Variants in RRBP1 observed in about 807,000 individuals in gnomAD.
RRBP1 encodes ribosome binding protein 1, also known as ribosome-binding protein 1.
RRBP1 carries 94 observed loss-of-function variants against 165.2 expected under a neutral mutation model. The observed-to-expected ratio is 0.57, with a 90% CI of 0.48 to 0.68. The LOEUF (loss-of-function observed/expected upper bound fraction) is 0.68, where lower values mean the gene tolerates loss of function less well. Ranked by LOEUF, RRBP1 falls within the 30% of genes least tolerant of loss-of-function variation. RRBP1 has a pLI of 0.00. For synonymous variants in RRBP1, 680 were observed against 714.5 expected (o/e 0.95, Z 0.77); for missense variants, 1,676 against 1,763.0 (o/e 0.95, Z 0.88).
At chr20:17,631,780 A>T (rs112458363) in intron 8 of RRBP1, among the ~76,000 whole-genome samples, 2,643 of 152,378 alleles carry the variant, frequency 0.017, 83 homozygotes, top group African/African-American at 0.058. Context: ...AGGTCAGCAC[A>T]GGCCACCCCC....
chr20:17,621,541 C>G lies in RRBP1; in HGVS notation c.3331G>C (p.Ala1111Pro). 1 of 1,612,298 alleles carries G rather than the reference C, an allele frequency of 6.2e-7. No homozygotes were observed. The highest frequency in any genetic ancestry group is 1.1e-5 in the South Asian group (1 of 90,982). The change falls in exon 16 of 25, where the codon GCC becomes CCC. Residue 1111 changes from alanine to proline, a missense_variant. Physicochemically the swap from Ala to Pro is conservative, Grantham distance 27. This residue lies in a region of RRBP1 where 1,184 missense variants were observed against 1,167.1 expected (regional missense o/e 1.01). Coordinates refer to ENST00000377813, the MANE Select transcript of RRBP1 (RefSeq NM_001365613.2). The part of the protein sequence containing the change: ...PAPAEPSSDL[A>P]SKLREAEETQ... ...TCCTCGGCCTCCCTCAACTTGGAGG[C>G]CAGGTCCTGAGAGAGGGAAGAACAG... is the stretch of plus-strand genomic sequence containing the variant.
intron 2 of RRBP1, among the ~76,000 whole-genome samples, 196 bp from the exon 3 acceptor site, chr20:17,660,724 C>T (rs981912077): frequency 3.3e-5 from 5 of 152,164 alleles, no homozygotes; most frequent in Non-Finnish European, 7.4e-5. Context: ...GATTCGTACC[C>T]AAGGCATGAG....
chr20:17,639,500 G>A lies in RRBP1; in HGVS notation c.2184+2297C>T, dbSNP rs112373721. On this transcript the variant is annotated intron_variant, in intron 5 of 24. Coordinates refer to ENST00000377813, the MANE Select transcript of RRBP1 (RefSeq NM_001365613.2). ...GGTTCCATCCATCTCCCCAGCTCCCGAGGGGGATTAAGGTAAGAGGAACTG... is the reference window on the plus strand; with the variant it reads ...GGTTCCATCCATCTCCCCAGCTCCCAAGGGGGATTAAGGTAAGAGGAACTG... 5.9e-4 allele frequency among the ~76,000 whole-genome samples: 90 copies of A among 152,346 alleles called. 1 individual carries two copies. Among genetic ancestry groups the A allele is most frequent in the Middle Eastern group, 6.8e-3 (2 of 294 alleles).
intron 2 of RRBP1, among the ~76,000 whole-genome samples, chr20:17,675,947 C>T (rs2037073436): frequency 6.6e-6 from 1 of 152,206 alleles, no homozygotes; most frequent in South Asian, 2.1e-4. Flanking sequence ...CTGGCTCACG[C>T]CTACAATCCT....
At chr20:17,614,570 A>T (rs1306426451) in intron 24 of RRBP1, among the ~76,000 whole-genome samples, 167 bp downstream of exon 24, 2 of 152,136 alleles carry the variant, frequency 1.3e-5, no homozygotes, top group Non-Finnish European at 2.9e-5. Flanking sequence ...CTCGTTAGGA[A>T]GTCTCTGTCC....
chr20:17,654,586 T>C (rs2036615023), intron 3 of RRBP1, among the ~76,000 whole-genome samples: 1 of 152,238 alleles, frequency 6.6e-6, no homozygotes, highest in African/African-American at 2.4e-5. Context: ...TCCTTTCATC[T>C]GTCCTGAGCT....
intron 3 of RRBP1, among the ~76,000 whole-genome samples, chr20:17,646,865 G>A (rs531085851): frequency 7.9e-5 from 12 of 152,278 alleles, no homozygotes; most frequent in African/African-American, 2.9e-4. Flanking sequence ...AGGCATAGAA[G>A]GAGGATCTCA....
intron 6 of RRBP1, among the ~76,000 whole-genome samples, chr20:17,635,956 T>G (rs1568766062): frequency 3.3e-5 from 5 of 152,194 alleles, no homozygotes; most frequent in Non-Finnish European, 7.3e-5. Context: ...CATGAACATC[T>G]GCCTCCAAGG....
At chr20:17,678,297 C>T (rs947972494) in intron 2 of RRBP1, among the ~76,000 whole-genome samples, 24 of 152,358 alleles carry the variant, frequency 1.6e-4, no homozygotes, top group Middle Eastern at 3.4e-3. Flanking sequence ...CCATCACTTT[C>T]TACCTAATAT....
At position 17,616,726 on chromosome 20, in the gene RRBP1, C is replaced by T; in HGVS notation, c.3867+6G>A. 1 of 1,600,860 alleles carries T rather than the reference C, an allele frequency of 6.2e-7. No individual in the cohort carries two copies. Among genetic ancestry groups the T allele is most frequent in the Non-Finnish European group, 8.5e-7 (1 of 1,171,540 alleles). On this transcript the variant is annotated splice_donor_region_variant and intron_variant, in intron 21 of 24. Transcript: ENST00000377813. ...ATGTGTCTGGGGACCAGCTCACCGC[C>T]CTAACCTGAACGGGGTCCTGCTCGG...
At chr20:17,642,199 G>A (rs11698829) in intron 4 of RRBP1, among the ~76,000 whole-genome samples, 7,534 of 152,326 alleles carry the variant, frequency 0.049, 252 homozygotes, top group Middle Eastern at 0.095. Context: ...GCTCCTCTGA[G>A]GGGCAGCTGG....
At chr20:17,645,293 G>C (rs1452380303) in intron 3 of RRBP1, among the ~76,000 whole-genome samples, 4 of 152,364 alleles carry the variant, frequency 2.6e-5, no homozygotes, top group Middle Eastern at 3.4e-3. Flanking sequence ...GCTCCCGAGA[G>C]TGTTCTCGGA....
chr20:17,638,657 C>T (rs745306762), intron 5 of RRBP1, among the ~76,000 whole-genome samples: 1 of 152,084 alleles, frequency 6.6e-6, no homozygotes, highest in Non-Finnish European at 1.5e-5. Context: ...TTCTGCTTGT[C>T]AAATTCTTAA....
At chr20:17,636,100 G>A (rs1360380869) in intron 6 of RRBP1, among the ~76,000 whole-genome samples, 1 of 152,270 alleles carries the variant, frequency 6.6e-6, no homozygotes, top group Non-Finnish European at 1.5e-5. Context: ...CCCACTATGA[G>A]CAGGGTGCAG....
chr20:17,636,745 CAGAG>C lies in RRBP1; in HGVS notation c.2185-20_2185-17del. On this transcript the variant is annotated splice_polypyrimidine_tract_variant and intron_variant, in intron 5 of 24. Coordinates refer to ENST00000377813, the MANE Select transcript of RRBP1 (RefSeq NM_001365613.2). ...CTGCCATCTCCTGGGGGGAAAGTAGCAGAGAGAGGGGCTGGTAAGCCTTGCAGGG... is the reference window on the plus strand; with the variant it reads ...CTGCCATCTCCTGGGGGGAAAGTAGCAGAGGGGCTGGTAAGCCTTGCAGGG... 2 of 1,612,136 alleles carry C rather than the reference CAGAG, an allele frequency of 1.2e-6. No individual in the cohort carries two copies. Among genetic ancestry groups the C allele is most frequent in the East Asian group, 4.5e-5 (2 of 44,886 alleles).
chr20:17,630,908 T>C (rs754329154), intron 8 of RRBP1, among the ~76,000 whole-genome samples: 4 of 152,210 alleles, frequency 2.6e-5, no homozygotes, highest in Non-Finnish European at 5.9e-5. Context: ...CATTTTCTTT[T>C]AGGGCAATGG....
At chr20:17,638,044 G>C (rs6034874) in intron 5 of RRBP1, among the ~76,000 whole-genome samples, 8,285 of 152,272 alleles carry the variant, frequency 0.054, 687 homozygotes, top group African/African-American at 0.18. Flanking sequence ...AAGACCAAGG[G>C]GTTCCCAGAA....
intron 3 of RRBP1, among the ~76,000 whole-genome samples, chr20:17,656,324 C>T (rs958354213): frequency 3.3e-5 from 5 of 152,238 alleles, no homozygotes; most frequent in South Asian, 2.1e-4. Flanking sequence ...GGCTGTGTGT[C>T]AAGCTCCCCC....
intron 13 of RRBP1, among the ~76,000 whole-genome samples, 181 bp downstream of exon 13, chr20:17,624,395 C>T (rs973812758): frequency 1.3e-5 from 2 of 152,108 alleles, no homozygotes; most frequent in Non-Finnish European, 2.9e-5. Flanking sequence ...TGCGTCTGTG[C>T]GTACTAGTGC....
Sources: gnomAD v4.1 joint callset for allele counts (sites outside exome capture counted in the v4.1 genomes callset) on GRCh38, gnomAD v4.1.1 for gene constraint, gnomAD v4.1.1 regional missense constraint, MANE v1.5 for transcripts, NCBI Gene and HGNC (gene_info 2026-07-23, HGNC 2026-07-21) for gene names.